VAPA: variants seen among roughly 807,000 people sequenced by gnomAD.
VAPA encodes vesicle-associated membrane protein-associated protein A.
Under a neutral mutation model 25.6 loss-of-function variants are expected in VAPA, and 6 were observed. The observed-to-expected ratio is 0.23, with a 90% CI of 0.13 to 0.46. The LOEUF is 0.46. Ranked by LOEUF, VAPA falls within the 20% of genes least tolerant of loss-of-function variation. The pLI is 0.99. For missense variants in VAPA, 244 were observed against 302.1 expected (o/e 0.81, Z 1.43); for synonymous variants, 112 against 106.2 (o/e 1.05, Z -0.34).
intron 4 of VAPA, among the ~76,000 whole-genome samples, chr18:9,938,087 A>T (rs557649129): frequency 2.0e-5 from 3 of 152,248 alleles, no homozygotes; most frequent in African/African-American, 4.8e-5. Flanking sequence ...TATGCTTCCC[A>T]TTTGGAGGTT....
chr18:9,914,545 C>A, intron 1 of VAPA: 1 of 272,748 alleles, frequency 3.7e-6, no homozygotes, highest in Non-Finnish European at 6.8e-6. Flanking sequence ...TCCCGCCCGC[C>A]CTCGCTGCGG....
chr18:9,931,760 T>C, intron 1 of VAPA, 50 bp from the exon 2 acceptor site: 1 of 1,512,952 alleles, frequency 6.6e-7, no homozygotes, highest in Non-Finnish European at 9.0e-7. Context: ...TCCTTCGTTG[T>C]TGAGAATCCA....
rs2069560927 is a variant in VAPA at position 9,957,214 on chromosome 18, T to C, written c.*3003T>C. On this transcript the variant is annotated 3_prime_UTR_variant, in exon 6 of 6. Transcript: ENST00000400000. Reference sequence around the variant, plus strand: ...GCCCGGCTAATTTTTGTATTTTTAGTAGAGACAAGGTTTCACCATGTTGGT... The same window carrying C: ...GCCCGGCTAATTTTTGTATTTTTAGCAGAGACAAGGTTTCACCATGTTGGT... The C allele has an allele frequency of 1.3e-5, 2 of 152,030 alleles. No homozygotes were observed. Among genetic ancestry groups the C allele is most frequent in the South Asian group, 4.1e-4 (2 of 4,822 alleles). 9.4% of individuals were successfully genotyped at this position (152,030 alleles called of 1,614,324 possible).
Position 9,914,217 on chromosome 18 carries a change from C to G in VAPA, c.-40C>G, listed in dbSNP as rs543175652. 8.7e-5 allele frequency: 135 copies of G among 1,549,128 alleles called. 1 individual carries two copies. The South Asian group carries it at 1.5e-3, about 17-fold the overall frequency. On this transcript the variant is annotated 5_prime_UTR_variant, in exon 1 of 6. Coordinates refer to ENST00000400000, the MANE Select transcript of VAPA (RefSeq NM_194434.3). ...CGTCCCCCGCCCCCAGTCAGCAAAC[C>G]GCCGCCGCGGGCGCGCCCCCGCTCT...
rs1027160470 is a variant in VAPA at position 9,958,227 on chromosome 18, A to T, written c.*4016A>T. 1.3e-5 allele frequency: 2 copies of T among 152,246 alleles called. No homozygotes were observed. Among genetic ancestry groups the T allele is most frequent in the Non-Finnish European group, 2.9e-5 (2 of 68,050 alleles). 9.4% of individuals were successfully genotyped at this position (152,246 alleles called of 1,614,324 possible). On this transcript the variant is annotated 3_prime_UTR_variant, in exon 6 of 6. Transcript: ENST00000400000. The stretch of plus-strand genomic sequence containing the variant: ...TTCTGTGGTTTATTGAAAACCAAGT[A>T]TAAATGTGACTAAAAGCATTTTGCT...
Position 9,950,543 on chromosome 18 carries a change from T to A in VAPA, c.566T>A (p.Leu189Gln), listed in dbSNP as rs1412613082. 6.2e-7 allele frequency: 1 copy of A among 1,612,044 alleles called. No individual in the cohort carries two copies. Among genetic ancestry groups the A allele is most frequent in the Non-Finnish European group, 8.5e-7 (1 of 1,179,558 alleles). ...AGACTTCAGGGAGAAATGATGAAGC[T>A]ATCAGAAGAAAATCGGCACCTGAGA... ...CKRLQGEMMK[L>Q]SEENRHLRDE... The change falls in exon 5 of 6, where the codon CTA (leucine) becomes CAA (glutamine). Residue 189 changes from leucine to glutamine, a missense_variant. Around this residue, in one of 2 missense-constraint regions of VAPA, gnomAD observed 145 missense variants for 140.6 expected, o/e 1.03. Transcript: ENST00000400000.
chr18:9,932,398 T>G (rs2069264855), intron 2 of VAPA, among the ~76,000 whole-genome samples: 1 of 152,146 alleles, frequency 6.6e-6, no homozygotes, highest in South Asian at 2.1e-4. Flanking sequence ...ATCAGATGAG[T>G]CTTTATGCCT....
intron 1 of VAPA, chr18:9,923,835 C>G (rs569974763): frequency 6.6e-6 from 1 of 152,276 alleles, no homozygotes; most frequent in South Asian, 2.1e-4. Flanking sequence ...AATTAAGCTA[C>G]TATGGGTACA....
chr18:9,949,644 A>G (rs981705012), intron 4 of VAPA: 1 of 152,240 alleles, frequency 6.6e-6, no homozygotes, highest in Non-Finnish European at 1.5e-5. Flanking sequence ...TTACACTAAT[A>G]CTGCTACGAT....
intron 4 of VAPA, among the ~76,000 whole-genome samples, chr18:9,939,398 A>G (rs899913705): frequency 6.6e-6 from 1 of 151,744 alleles, no homozygotes; most frequent in Non-Finnish European, 1.5e-5. Flanking sequence ...CAGGTGATCC[A>G]CCTGCCTTGG....
intron 2 of VAPA, 109 bp from the exon 3 acceptor site, chr18:9,936,001 C>T (rs1047880358): frequency 1.2e-5 from 8 of 666,214 alleles, no homozygotes; most frequent in Admixed American, 6.9e-5. Context: ...TTGCCAGATA[C>T]GGTTTAAGGC....
chr18:9,914,176 G>A lies in VAPA; in HGVS notation c.-81G>A, dbSNP rs1392082954. 40 of 1,320,812 alleles carry A rather than the reference G, an allele frequency of 3.0e-5. No homozygotes were observed. The highest frequency in any genetic ancestry group is 3.6e-5 in the Non-Finnish European group (35 of 964,208). The allele number at this position is 1,320,812 out of a possible 1,614,324, so 81.8% of individuals were successfully genotyped here. A position where few individuals can be genotyped will look rare whatever the true frequency, so the allele number is the denominator to read the frequency against. ...CCTGGCCTCGTCCTAGAGCTCGGCC[G>A]AGCCGTCGCCGCCGTCGTCCCCCGC... is the stretch of plus-strand genomic sequence containing the variant. On this transcript the variant is annotated 5_prime_UTR_variant, in exon 1 of 6. Coordinates refer to ENST00000400000, the MANE Select transcript of VAPA (RefSeq NM_194434.3).
Position 9,954,060 on chromosome 18 carries a change from G to A in VAPA, c.599G>A (p.Gly200Asp). 6.2e-7 allele frequency: 1 copy of A among 1,613,678 alleles called. No individual in the cohort carries two copies. Among genetic ancestry groups the A allele is most frequent in the Non-Finnish European group, 8.5e-7 (1 of 1,179,866 alleles). The change falls in exon 6 of 6, where the codon GGT becomes GAT. Residue 200 changes from glycine (G) to aspartate (D), a missense_variant. Coordinates refer to ENST00000400000, the MANE Select transcript of VAPA (RefSeq NM_194434.3). The stretch of plus-strand genomic sequence containing the variant: ...TGTGTGTTTTTTTTCTAGGATGAAG[G>A]TTTAAGGCTCAGAAAGGTAGCACAT... ...SEENRHLRDE[G>D]LRLRKVAHSD...
intron 1 of VAPA, among the ~76,000 whole-genome samples, chr18:9,930,366 CA>C (rs2069241458): frequency 6.6e-6 from 1 of 152,084 alleles, no homozygotes; most frequent in African/African-American, 2.4e-5. Context: ...TAACATTTTA[CA>C]TTTTTAAGCG....
intron 5 of VAPA, 130 bp downstream of exon 5, chr18:9,950,698 T>C: frequency 1.1e-6 from 1 of 871,792 alleles, no homozygotes; most frequent in East Asian, 2.7e-5. Flanking sequence ...CCCCAGTGCC[T>C]TTGCTCCCCA....
intron 1 of VAPA, among the ~76,000 whole-genome samples, chr18:9,918,077 A>G (rs534558943): frequency 1.3e-5 from 2 of 152,098 alleles, no homozygotes; most frequent in Non-Finnish European, 2.9e-5. Context: ...TAGTCTGTAC[A>G]CATCCATACT....
chr18:9,947,264 A>G (rs2143416923), intron 4 of VAPA, among the ~76,000 whole-genome samples: 1 of 152,354 alleles, frequency 6.6e-6, no homozygotes, highest in South Asian at 2.1e-4. Context: ...TTTATTACCA[A>G]GTATTCTGTA....
At chr18:9,941,199 A>G (rs1210137891) in intron 4 of VAPA, among the ~76,000 whole-genome samples, 2 of 151,916 alleles carry the variant, frequency 1.3e-5, no homozygotes, top group African/African-American at 4.9e-5. Flanking sequence ...GGGAAATACT[A>G]TTCCTGCCTA....
chr18:9,926,819 A>G (rs145416045), intron 1 of VAPA, among the ~76,000 whole-genome samples: 2 of 152,230 alleles, frequency 1.3e-5, no homozygotes, highest in African/African-American at 2.4e-5. Flanking sequence ...AAGACAGTTC[A>G]CTATTTAATA....
Sources: allele counts gnomAD v4.1 joint callset (sites outside exome capture counted in the v4.1 genomes callset), GRCh38; gene constraint gnomAD v4.1.1; regional missense constraint gnomAD v4.1.1; transcripts MANE v1.5; gene names NCBI Gene and HGNC (gene_info 2026-07-23, HGNC 2026-07-21).